The following DRG1 variants were observed in gnomAD, a reference collection of about 807,000 sequenced individuals.
The protein encoded by DRG1 is developmentally-regulated GTP-binding protein 1.
DRG1 carries 19 observed loss-of-function variants against 38.8 expected under a neutral mutation model. The ratio of observed to expected loss-of-function variants is 0.49; its 90% CI spans 0.34 to 0.72. The LOEUF is 0.72. Among genes scored for constraint, DRG1 ranks in the 30% least tolerant of loss-of-function variants. The pLI is 0.01. For synonymous variants in DRG1, 167 were observed against 157.5 expected, an observed-to-expected ratio of 1.06 and a Z score of -0.45; for missense variants, 299 against 444.8, an observed-to-expected ratio of 0.67 and a Z score of 2.95.
intron 2 of DRG1, among the ~76,000 whole-genome samples, 161 bp from the exon 3 acceptor site, chr22:31,402,868 C>T (rs570295581): frequency 6.6e-6 from 1 of 152,080 alleles, no homozygotes; most frequent in Non-Finnish European, 1.5e-5. Context: ...ATTGCTGTGC[C>T]CTCAAGTTTT....
At chr22:31,421,524 T>C (rs1691290584) in intron 5 of DRG1, 2 of 152,036 alleles carry the variant, frequency 1.3e-5, no homozygotes, top group Admixed American at 1.3e-4. Flanking sequence ...ATCAGGATGT[T>C]AAATTTTAGA....
intron 3 of DRG1, among the ~76,000 whole-genome samples, chr22:31,410,801 A>G (rs1308651511): frequency 6.6e-6 from 1 of 151,782 alleles, no homozygotes; most frequent in East Asian, 1.9e-4. Context: ...GGCAAAAAGC[A>G]TGAAACTCCA....
At position 31,403,081 on chromosome 22, in the gene DRG1, A is replaced by T; in HGVS notation, c.219A>T (p.Pro73=). ...CTCGAATTGGATTTGTTGGTTTTCC[A>T]TCTGTGGGGAAGTCAACACTGCTTA... is the stretch of plus-strand genomic sequence containing the variant. ...GDARIGFVGF[P]SVGKSTLLSN... The change falls in exon 3 of 9, where the codon CCA becomes CCT. Residue 73 remains proline (P), a synonymous_variant. Coordinates refer to ENST00000331457, the MANE Select transcript of DRG1 (RefSeq NM_004147.4). The T allele has an allele frequency of 6.2e-7, 1 of 1,613,826 alleles. No individual in the cohort carries two copies. Among genetic ancestry groups the T allele is most frequent in the East Asian group, 2.2e-5 (1 of 44,882 alleles).
intron 3 of DRG1, among the ~76,000 whole-genome samples, chr22:31,409,612 G>A (rs1601526608): frequency 6.6e-6 from 1 of 152,166 alleles, no homozygotes; most frequent in African/African-American, 2.4e-5. Flanking sequence ...TGTATCATAT[G>A]TAAATATCAA....
At chr22:31,433,272 A>ATTTTTTTTTTT (rs695603) in intron 8 of DRG1, among the ~76,000 whole-genome samples, 16 of 132,612 alleles carry the variant, frequency 1.2e-4, no homozygotes, top group African/African-American at 3.9e-4. Flanking sequence ...TTAAAGACGG[A>ATTTTTTTTTTT]TTTTTTTTTT....
intron 3 of DRG1, among the ~76,000 whole-genome samples, chr22:31,409,417 C>A (rs1168305069): frequency 6.6e-6 from 1 of 152,106 alleles, no homozygotes; most frequent in Non-Finnish European, 1.5e-5. Flanking sequence ...TGGGGACATA[C>A]ATCAGAGTCA....
intron 6 of DRG1, among the ~76,000 whole-genome samples, chr22:31,425,904 G>A (rs2050107534): frequency 6.6e-6 from 1 of 152,160 alleles, no homozygotes; most frequent in Non-Finnish European, 1.5e-5. Flanking sequence ...TTTTCAGTTA[G>A]GCATTTTACA....
chr22:31,426,913 C>G, intron 7 of DRG1, 131 bp downstream of exon 7: 1 of 1,484,652 alleles, frequency 6.7e-7, no homozygotes, highest in Non-Finnish European at 9.1e-7. Context: ...CTATTATCTA[C>G]TAGGTCATTA....
chr22:31,433,030 A>T (rs1441472386), intron 8 of DRG1, among the ~76,000 whole-genome samples: 1 of 151,960 alleles, frequency 6.6e-6, no homozygotes, highest in Non-Finnish European at 1.5e-5. Flanking sequence ...AGGCCCATGG[A>T]TATAAATTAC....
chr22:31,417,138 G>A lies in DRG1; in HGVS notation c.413-3118G>A, dbSNP rs560875835. Among the ~76,000 whole-genome samples the A allele has an allele frequency of 1.2e-3, 187 of 151,938 alleles. 1 individual carries two copies. Among genetic ancestry groups the A allele is most frequent in the Non-Finnish European group, 2.4e-3 (165 of 67,954 alleles). On this transcript the variant is annotated intron_variant, in intron 4 of 8. Coordinates refer to ENST00000331457, the MANE Select transcript of DRG1 (RefSeq NM_004147.4). ...TGTAATTCCAGCACTTTGGGAGGCC[G>A]AGGCGGGTGGATCACCAGGTCAGGA...
intron 4 of DRG1, 76 bp from the exon 5 acceptor site, chr22:31,420,180 A>C: frequency 6.6e-7 from 1 of 1,514,094 alleles, no homozygotes; most frequent in South Asian, 1.3e-5. Context: ...GGGGGAAAAA[A>C]CACCTCTACT....
chr22:31,409,250 A>G (rs1669707634), intron 3 of DRG1, among the ~76,000 whole-genome samples: 2 of 151,902 alleles, frequency 1.3e-5, no homozygotes, highest in African/African-American at 4.8e-5. Flanking sequence ...ATACCCGGCT[A>G]ATTTTTGTAT....
chr22:31,400,758 T>G lies in DRG1; in HGVS notation c.166+15T>G. 2 of 1,605,310 alleles carry G rather than the reference T, an allele frequency of 1.2e-6. No individual in the cohort carries two copies. Among genetic ancestry groups the G allele is most frequent in the Non-Finnish European group, 8.5e-7 (1 of 1,175,272 alleles). ...TCCAGGAGAAGGTTTGTGTTCTTCT[T>G]CAATATATATATTTTTAGGTATAAT... On this transcript the variant is annotated intron_variant, in intron 2 of 8. Transcript: ENST00000331457.
intron 8 of DRG1, among the ~76,000 whole-genome samples, chr22:31,432,579 C>T (rs1303223515): frequency 9.9e-5 from 15 of 152,170 alleles, no homozygotes; most frequent in Admixed American, 9.8e-4. Flanking sequence ...GTGCGCGCTA[C>T]CACGCCCAGC....
intron 1 of DRG1, among the ~76,000 whole-genome samples, chr22:31,399,985 T>A (rs1003341360): frequency 2.6e-5 from 4 of 152,136 alleles, no homozygotes; most frequent in Non-Finnish European, 5.9e-5. Flanking sequence ...CCCCTGCACC[T>A]TAGGCCCTTA....
chr22:31,407,732 C>T (rs757140866), intron 3 of DRG1, among the ~76,000 whole-genome samples: 9 of 141,186 alleles, frequency 6.4e-5, no homozygotes, highest in Non-Finnish European at 1.4e-4. Context: ...GTTGAACTGT[C>T]TCGCACCTGC....
At chr22:31,406,531 T>TA (rs2049990971) in intron 3 of DRG1, among the ~76,000 whole-genome samples, 3 of 151,910 alleles carry the variant, frequency 2.0e-5, no homozygotes, top group Admixed American at 2.0e-4. Flanking sequence ...CTACTAAAAA[T>TA]AAAAAATTAG....
intron 4 of DRG1, among the ~76,000 whole-genome samples, chr22:31,416,636 T>A (rs1311601732): frequency 1.3e-5 from 2 of 152,028 alleles, no homozygotes; most frequent in Non-Finnish European, 2.9e-5. Flanking sequence ...GTACCTGTAA[T>A]TCCATAGTCT....
At chr22:31,418,743 G>T (rs569982955) in intron 4 of DRG1, among the ~76,000 whole-genome samples, 1 of 151,882 alleles carries the variant, frequency 6.6e-6, no homozygotes, top group South Asian at 2.1e-4. Context: ...GTGCAGTGGC[G>T]CAATCTCAGC....
Sources: allele counts gnomAD v4.1 joint callset (sites outside exome capture counted in the v4.1 genomes callset), GRCh38; gene constraint gnomAD v4.1.1; transcripts MANE v1.5; gene names NCBI Gene and HGNC (gene_info 2026-07-23, HGNC 2026-07-21).